Variants in RBMS1 observed in about 807,000 individuals in gnomAD.
RBMS1 encodes the protein RNA-binding motif, single-stranded-interacting protein 1.
A neutral mutation model predicts 62.3 loss-of-function variants in RBMS1; 17 were observed. That is an observed-to-expected ratio of 0.27 (90% confidence interval 0.19 to 0.41). The LOEUF is 0.41. Ranked by LOEUF, RBMS1 falls within the 10% of genes least tolerant of loss-of-function variation. The pLI, the probability that RBMS1 is intolerant of heterozygous loss-of-function variation, is 1.00. For missense variants in RBMS1, 334 were observed against 504.5 expected, an observed-to-expected ratio of 0.66 and a Z score of 3.24; for synonymous variants, 172 against 170.0, an observed-to-expected ratio of 1.01 and a Z score of -0.09.
intron 1 of RBMS1, among the ~76,000 whole-genome samples, chr2:160,462,043 C>G (rs1340771682): frequency 4.0e-5 from 6 of 148,368 alleles, no homozygotes; most frequent in African/African-American, 1.3e-4. Flanking sequence ...ACAGACAGCA[C>G]AAGAGTTATT....
intron 1 of RBMS1, among the ~76,000 whole-genome samples, chr2:160,385,589 T>A (rs902520978): frequency 2.0e-5 from 3 of 152,066 alleles, no homozygotes; most frequent in Non-Finnish European, 4.4e-5. Flanking sequence ...GGCATTTGGG[T>A]CAGGGCCCCA....
chr2:160,418,720 T>C, intron 1 of RBMS1, among the ~76,000 whole-genome samples: 1 of 152,194 alleles, frequency 6.6e-6, no homozygotes, highest in Non-Finnish European at 1.5e-5. Context: ...ATTTATTGAC[T>C]GCAGGTTGAT....
chr2:160,457,939 G>T lies in RBMS1; in HGVS notation c.75+35350C>A, dbSNP rs543708133. Among the ~76,000 whole-genome samples the T allele has an allele frequency of 3.7e-5, 5 of 134,346 alleles. No individual in the cohort carries two copies. The East Asian group carries it at 1.1e-3, about 29-fold the overall frequency. The allele number at this position is 134,346 out of a possible 152,430, so 88.1% of individuals were successfully genotyped here. A position where few individuals can be genotyped will look rare whatever the true frequency, so the allele number is the denominator to read the frequency against. On this transcript the variant is annotated intron_variant, in intron 1 of 13. Transcript: ENST00000348849. ...GACTCATTTTTAAAATTTATTTTTG[G>T]GGTTATTGGTTTGTTTGTTGTTGTT...
At chr2:160,379,470 G>T (rs13397529) in intron 1 of RBMS1, among the ~76,000 whole-genome samples, 14 of 151,998 alleles carry the variant, frequency 9.2e-5, no homozygotes, top group Non-Finnish European at 1.3e-4. Context: ...TAGTGGTGAT[G>T]GTATCAACCT....
intron 12 of RBMS1, 88 bp downstream of exon 12, chr2:160,277,215 G>T: frequency 8.3e-7 from 1 of 1,204,536 alleles, no homozygotes; most frequent in Non-Finnish European, 1.2e-6. Context: ...AATATTTGAC[G>T]TCTGGTAGAT....
chr2:160,455,683 C>CT (rs67701380), intron 1 of RBMS1, among the ~76,000 whole-genome samples: 25,206 of 127,184 alleles, frequency 0.2, 2,949 homozygotes, highest in African/African-American at 0.27. Context: ...CATTCCCAAG[C>CT]TTTTTTTTTT....
chr2:160,490,149 A>G (rs982300533), intron 1 of RBMS1, among the ~76,000 whole-genome samples: 1 of 152,096 alleles, frequency 6.6e-6, no homozygotes, highest in African/African-American at 2.4e-5. Flanking sequence ...ATGGATATTA[A>G]ATTTAATATA....
At chr2:160,316,840 ATGT>A in intron 3 of RBMS1, among the ~76,000 whole-genome samples, 1 of 140,424 alleles carries the variant, frequency 7.1e-6, no homozygotes, top group Admixed American at 8.2e-5. Flanking sequence ...TTTCAAAGTG[ATGT>A]TGGTGATCAG....
chr2:160,467,705 C>T (rs192914026), intron 1 of RBMS1, among the ~76,000 whole-genome samples: 26 of 152,202 alleles, frequency 1.7e-4, no homozygotes, highest in Admixed American at 7.2e-4. Context: ...GTAGGATACA[C>T]CATTAGTCTA....
intron 1 of RBMS1, among the ~76,000 whole-genome samples, chr2:160,484,229 C>T (rs1685491244): frequency 6.6e-6 from 1 of 152,138 alleles, no homozygotes. Flanking sequence ...GGCGCGGTGG[C>T]TCATGCCTGT....
At chr2:160,399,521 T>C (rs574873708) in intron 1 of RBMS1, among the ~76,000 whole-genome samples, 21 of 85,816 alleles carry the variant, frequency 2.4e-4, no homozygotes, top group Admixed American at 1.8e-3. Flanking sequence ...AAGATTCCTG[T>C]ATGCTTTTTT....
chr2:160,455,306 C>T (rs192230929), intron 1 of RBMS1, among the ~76,000 whole-genome samples: 3 of 152,300 alleles, frequency 2.0e-5, no homozygotes, highest in Admixed American at 2.0e-4. Flanking sequence ...TCACACTCCT[C>T]TCTGTTGCGA....
At chr2:160,449,357 A>G (rs1683857149) in intron 1 of RBMS1, among the ~76,000 whole-genome samples, 1 of 152,276 alleles carries the variant, frequency 6.6e-6, no homozygotes, top group South Asian at 2.1e-4. Flanking sequence ...ATGGGCCATG[A>G]TGACGATGGC....
chr2:160,347,515 G>A (rs1692252232), intron 2 of RBMS1, among the ~76,000 whole-genome samples: 2 of 152,104 alleles, frequency 1.3e-5, no homozygotes, highest in South Asian at 4.1e-4. Flanking sequence ...GATCAAGTAA[G>A]ACTACAGAAC....
chr2:160,337,833 C>T (rs548723427), intron 2 of RBMS1, among the ~76,000 whole-genome samples: 1 of 152,278 alleles, frequency 6.6e-6, no homozygotes, highest in African/African-American at 2.4e-5. Flanking sequence ...GGGCACCTTT[C>T]TTGCAAATTA....
chr2:160,310,620 T>C (rs1689799471), intron 4 of RBMS1, among the ~76,000 whole-genome samples: 1 of 152,196 alleles, frequency 6.6e-6, no homozygotes, highest in African/African-American at 2.4e-5. Context: ...AGACTTGCCC[T>C]GGATTTTATC....
intron 1 of RBMS1, among the ~76,000 whole-genome samples, chr2:160,414,067 A>G (rs1696126003): frequency 6.6e-6 from 1 of 152,220 alleles, no homozygotes; most frequent in South Asian, 2.1e-4. Flanking sequence ...ACCATTTACC[A>G]TCTGTGTCAC....
At chr2:160,413,866 C>A (rs1696117401) in intron 1 of RBMS1, among the ~76,000 whole-genome samples, 1 of 152,192 alleles carries the variant, frequency 6.6e-6, no homozygotes, top group Non-Finnish European at 1.5e-5. Flanking sequence ...GGTCACAAAT[C>A]CAATACATAG....
At chr2:160,395,331 T>A (rs1464662348) in intron 1 of RBMS1, among the ~76,000 whole-genome samples, 4 of 152,074 alleles carry the variant, frequency 2.6e-5, no homozygotes, top group African/African-American at 9.7e-5. Flanking sequence ...GAATTTAAAA[T>A]CAGATGCTGA....
Sources: gnomAD v4.1 joint callset for allele counts (sites outside exome capture counted in the v4.1 genomes callset) on GRCh38, gnomAD v4.1.1 for gene constraint, MANE v1.5 for transcripts, NCBI Gene and HGNC (gene_info 2026-07-23, HGNC 2026-07-21) for gene names.